Variants in UIMC1 observed in about 807,000 individuals in gnomAD.
UIMC1 encodes ubiquitin interaction motif containing 1, also known as BRCA1-A complex subunit RAP80.
In UIMC1, 42 loss-of-function variants were observed where a neutral mutation model predicts 84.9. The ratio of observed to expected loss-of-function variants is 0.49; its 90% confidence interval spans 0.39 to 0.64. UIMC1 has a LOEUF of 0.64. Ranked by LOEUF, UIMC1 falls within the 30% of genes least tolerant of loss-of-function variation. The pLI is 0.00. For missense variants in UIMC1, 825 were observed against 847.6 expected, an observed-to-expected ratio of 0.97 and a Z score of 0.33; for synonymous variants, 281 against 293.0, an observed-to-expected ratio of 0.96 and a Z score of 0.42.
intron 1 of UIMC1, among the ~76,000 whole-genome samples, chr5:176,999,292 C>T (rs1226590585): frequency 6.6e-6 from 1 of 152,000 alleles, no homozygotes; most frequent in South Asian, 2.1e-4. Context: ...TTTGTGGGTA[C>T]ATAGGTGCAT....
chr5:177,009,598 C>T (rs1474434670), upstream of UIMC1, among the ~76,000 whole-genome samples: 1 of 151,990 alleles, frequency 6.6e-6, no homozygotes, highest in East Asian at 1.9e-4. This position sits in a 1 kb window ranked among gnomAD's most constrained non-coding sequence, Gnocchi z 4.3. Context: ...ATAGTATATT[C>T]ATAGAATAAC....
intron 4 of UIMC1, 164 bp downstream of exon 4, chr5:176,970,578 T>C: frequency 9.1e-7 from 1 of 1,098,630 alleles, no homozygotes; most frequent in Non-Finnish European, 1.4e-6. Context: ...TAAATTGGGT[T>C]AACCAACAAT....
At chr5:177,005,898 C>T (rs7715595) in intron 1 of UIMC1, among the ~76,000 whole-genome samples, 16,354 of 152,174 alleles carry the variant, frequency 0.11, 1,627 homozygotes, top group African/African-American at 0.26. Context: ...ACCAGCCCGC[C>T]GGCTGTGGCG....
chr5:176,915,995 T>C (rs1760939158), intron 10 of UIMC1, among the ~76,000 whole-genome samples: 1 of 152,122 alleles, frequency 6.6e-6, no homozygotes, highest in African/African-American at 2.4e-5. Context: ...TATTGATAGA[T>C]GGTTAGGACT....
At chr5:176,944,629 C>T (rs1002720568) in intron 9 of UIMC1, among the ~76,000 whole-genome samples, 7 of 152,184 alleles carry the variant, frequency 4.6e-5, no homozygotes, top group African/African-American at 1.4e-4. Context: ...GAACAAAACA[C>T]GACCAAAACT....
At chr5:176,994,057 G>A (rs1677819158) in intron 1 of UIMC1, among the ~76,000 whole-genome samples, 1 of 151,002 alleles carries the variant, frequency 6.6e-6, no homozygotes, top group South Asian at 2.1e-4. Context: ...GTGTGAAAAG[G>A]ATGAAATAGT....
chr5:176,973,772 A>G (rs956691479), intron 3 of UIMC1, among the ~76,000 whole-genome samples: 3 of 152,132 alleles, frequency 2.0e-5, no homozygotes, highest in African/African-American at 7.2e-5. Context: ...ATGTGGTGGT[A>G]TACACCTGTG....
intron 2 of UIMC1, among the ~76,000 whole-genome samples, chr5:176,977,192 CA>C (rs1770228328): frequency 2.2e-5 from 3 of 138,252 alleles, no homozygotes; most frequent in African/African-American, 8.4e-5. Context: ...CACTGCTCTA[CA>C]GCCTGGGGCA....
At chr5:176,939,623 G>A (rs1764176340) in intron 10 of UIMC1, among the ~76,000 whole-genome samples, 1 of 152,168 alleles carries the variant, frequency 6.6e-6, no homozygotes, top group Non-Finnish European at 1.5e-5. Flanking sequence ...TAGCCTAGGT[G>A]TGTAGTAGAC....
chr5:176,994,282 T>G (rs1773279228), intron 1 of UIMC1, among the ~76,000 whole-genome samples: 1 of 151,922 alleles, frequency 6.6e-6, no homozygotes, highest in Non-Finnish European at 1.5e-5. Context: ...AAAGCAGATA[T>G]ACTAAAGGCC....
intron 6 of UIMC1, 86 bp downstream of exon 6, chr5:176,968,469 G>A: frequency 1.3e-6 from 2 of 1,501,020 alleles, no homozygotes; most frequent in South Asian, 1.4e-5. Context: ...ATCAAGGAGG[G>A]GAAGACCACA....
chr5:176,924,792 G>C (rs1374445630), intron 10 of UIMC1, among the ~76,000 whole-genome samples: 1 of 152,086 alleles, frequency 6.6e-6, no homozygotes, highest in African/African-American at 2.4e-5. Context: ...TGTAATCCCA[G>C]CACTTTGGGA....
chr5:176,976,558 C>T (rs1389828037), intron 2 of UIMC1, among the ~76,000 whole-genome samples: 2 of 152,122 alleles, frequency 1.3e-5, no homozygotes, highest in Non-Finnish European at 2.9e-5. Flanking sequence ...AACCCTAGTA[C>T]ACTGTTGGTG....
Position 176,908,589 on chromosome 5 carries a change from A to C in UIMC1, c.1782T>G (p.Pro594=). Residue 594 remains proline, a synonymous_variant, in exon 12 of 15, where the codon CCT becomes CCG. Transcript: ENST00000511320. ...QLAKADQGDG[P]EGSGRACSTV... The stretch of plus-strand genomic sequence containing the variant: ...TTGAACATGCTCTTCCACTCCCTTC[A>C]GGTCCATCTCCTTGGTCAGCCTTTG... 1 of 1,614,164 alleles carries C rather than the reference A, an allele frequency of 6.2e-7. No homozygotes were observed. The highest frequency in any genetic ancestry group is 8.5e-7 in the Non-Finnish European group (1 of 1,180,000).
chr5:176,992,875 T>C (rs569008836), intron 1 of UIMC1, among the ~76,000 whole-genome samples: 2 of 152,124 alleles, frequency 1.3e-5, no homozygotes, highest in South Asian at 2.1e-4. Context: ...TGCAAAAGAC[T>C]TGTATCCAGA....
chr5:176,974,159 T>A (rs2149490883), intron 3 of UIMC1, among the ~76,000 whole-genome samples: 1 of 152,292 alleles, frequency 6.6e-6, no homozygotes, highest in Non-Finnish European at 1.5e-5. Flanking sequence ...TTGGAAGAAT[T>A]ATACTACCTG....
At chr5:176,975,223 G>A (rs546677782) in intron 3 of UIMC1, among the ~76,000 whole-genome samples, 173 bp downstream of exon 3, 2 of 152,112 alleles carry the variant, frequency 1.3e-5, no homozygotes, top group South Asian at 2.1e-4. Context: ...ACAGGAAACT[G>A]AAAAAAGTTA....
chr5:177,016,136 G>C (rs546576193), intron 1 of UIMC1, among the ~76,000 whole-genome samples: 2 of 151,926 alleles, frequency 1.3e-5, no homozygotes, highest in East Asian at 1.9e-4. Flanking sequence ...AGGCCAAGGT[G>C]GGGGGATCAC....
intron 10 of UIMC1, among the ~76,000 whole-genome samples, chr5:176,923,583 G>T (rs997844934): frequency 6.6e-6 from 1 of 150,646 alleles, no homozygotes; most frequent in Non-Finnish European, 1.5e-5. Flanking sequence ...AGAAAATAAG[G>T]TCGGGCACGG....
Sources: allele counts gnomAD v4.1 joint callset (sites outside exome capture counted in the v4.1 genomes callset), GRCh38; gene constraint gnomAD v4.1.1; non-coding constraint Gnocchi (gnomAD v3.1); transcripts MANE v1.5; gene names NCBI Gene and HGNC (gene_info 2026-07-23, HGNC 2026-07-21).